Variants in RIMS3 observed in about 807,000 individuals in gnomAD.
The protein encoded by RIMS3 is regulating synaptic membrane exocytosis 3.
Under a neutral mutation model 29.2 loss-of-function variants are expected in RIMS3, and 15 were observed. The ratio of observed to expected loss-of-function variants is 0.51; its 90% CI spans 0.34 to 0.79. The LOEUF is 0.79. Among genes scored for constraint, RIMS3 ranks in the 30% least tolerant of loss-of-function variants. The pLI is 0.01. For synonymous variants in RIMS3, 161 were observed against 170.1 expected, an observed-to-expected ratio of 0.95 and a Z score of 0.41; for missense variants, 342 against 421.4, an observed-to-expected ratio of 0.81 and a Z score of 1.65.
rs374157039 is a variant in RIMS3, at chr1:40,626,408, T to C, written c.*109A>G. On this transcript the variant is annotated 3_prime_UTR_variant, in exon 8 of 8. Coordinates refer to ENST00000372684, the MANE Select transcript of RIMS3 (RefSeq NM_014747.3). ...GGATGAGCCCAGTAGCCAACAGGCA[T>C]GCAGCAGGACAAGGGGTCCAGAAAG... 77 of 1,030,720 alleles carry C rather than the reference T, an allele frequency of 7.5e-5. No individual in the cohort carries two copies. In the East Asian group the frequency reaches 1.4e-3, roughly 19 times the overall value. The allele number at this position is 1,030,720 out of a possible 1,614,324, so 63.8% of individuals were successfully genotyped here.
chr1:40,640,168 A>G (rs199564965), intron 3 of RIMS3, among the ~76,000 whole-genome samples: 1 of 151,870 alleles, frequency 6.6e-6, no homozygotes, highest in African/African-American at 2.4e-5. Context: ...GGGGTCCAAC[A>G]CCTCCACGAC....
At chr1:40,653,475 G>A (rs981890346) in intron 1 of RIMS3, among the ~76,000 whole-genome samples, 3 of 152,134 alleles carry the variant, frequency 2.0e-5, no homozygotes, top group Non-Finnish European at 2.9e-5. Context: ...AGGCTAGGGC[G>A]GCACCCTGAC....
At chr1:40,678,164 T>C in the RIMS3 span, among the ~76,000 whole-genome samples, 4 of 152,094 alleles carry the variant, frequency 2.6e-5, no homozygotes, top group Non-Finnish European at 5.9e-5. Context: ...TCCCAGCACT[T>C]TGGGAGGCCA....
upstream of RIMS3, among the ~76,000 whole-genome samples, chr1:40,667,390 G>T (rs75893220): frequency 3.2e-4 from 48 of 152,234 alleles, no homozygotes; most frequent in East Asian, 8.9e-3. Flanking sequence ...TGGAACGAGG[G>T]TGGAGGTGAG....
chr1:40,690,827 A>G, the RIMS3 span: 2 of 152,368 alleles, frequency 1.3e-5, no homozygotes, highest in South Asian at 2.1e-4. Context: ...TACCATCAGC[A>G]GAGGCAGTCA....
Position 40,635,749 on chromosome 1 carries a change from C to T in RIMS3, c.359+167G>A, listed in dbSNP as rs1646514937. 6.6e-6 allele frequency among the ~76,000 whole-genome samples: 1 copy of T among 152,168 alleles called. No homozygotes were observed. The highest frequency in any genetic ancestry group is 2.1e-4 in the South Asian group (1 of 4,826). On this transcript the variant is annotated intron_variant, in intron 4 of 7. Transcript: ENST00000372684. The surrounding 1 kb of genome is among the most constrained non-coding windows in gnomAD (Gnocchi z 4.1). The stretch of plus-strand genomic sequence containing the variant: ...ATGGGAGCAATGGAAGACCTGAGGT[C>T]CAGGCACAGAGTGTTGAGGGGAGGG...
chr1:40,647,721 C>T lies in RIMS3; in HGVS notation c.-85G>A, dbSNP rs1331000779. On this transcript the variant is annotated 5_prime_UTR_variant, in exon 2 of 8. Transcript: ENST00000372684. ...CGCATCACAGGGGGCTGCCTCCCAACAGCACACCCCTAGGGCATTTGCACA... is the reference window on the plus strand; with the variant it reads ...CGCATCACAGGGGGCTGCCTCCCAATAGCACACCCCTAGGGCATTTGCACA... 1 of 152,202 alleles carries T rather than the reference C, an allele frequency of 6.6e-6. No homozygotes were observed. The highest frequency in any genetic ancestry group is 2.4e-5 in the African/African-American group (1 of 41,430). The allele number at this position is 152,202 out of a possible 1,614,324, so 9.4% of individuals were successfully genotyped here.
At chr1:40,638,254 C>T (rs568684168) in intron 3 of RIMS3, among the ~76,000 whole-genome samples, 4 of 152,280 alleles carry the variant, frequency 2.6e-5, no homozygotes, top group African/African-American at 9.6e-5. Context: ...AATCCCCCAT[C>T]TAGCTGAGAG....
upstream of RIMS3, chr1:40,669,249 G>A (rs1268348959): frequency 6.6e-6 from 1 of 152,208 alleles, no homozygotes; most frequent in Non-Finnish European, 1.5e-5. Context: ...GCTCTTCGAG[G>A]TAGGTGCACT....
At chr1:40,656,404 A>G (rs546877171) in intron 1 of RIMS3, among the ~76,000 whole-genome samples, 1 of 152,372 alleles carries the variant, frequency 6.6e-6, no homozygotes, top group East Asian at 1.9e-4. Context: ...TGTTTTAGCT[A>G]TATGGAGTTG....
intron 1 of RIMS3, among the ~76,000 whole-genome samples, chr1:40,659,060 G>C (rs1200802310): frequency 1.3e-5 from 2 of 152,242 alleles, no homozygotes; most frequent in Non-Finnish European, 2.9e-5. Flanking sequence ...GGCAGAGGGA[G>C]GGTGGGCTAA....
At chr1:40,644,686 C>T (rs1382373640) in intron 2 of RIMS3, among the ~76,000 whole-genome samples, 1 of 152,152 alleles carries the variant, frequency 6.6e-6, no homozygotes, top group Non-Finnish European at 1.5e-5. Context: ...TGCAAAGTCC[C>T]AAGCTGAAGT....
At chr1:40,660,381 T>C (rs1202277145) in intron 1 of RIMS3, among the ~76,000 whole-genome samples, 6 of 148,390 alleles carry the variant, frequency 4.0e-5, no homozygotes, top group Non-Finnish European at 9.0e-5. Flanking sequence ...GGGGCTTCTT[T>C]TTTTTTTTTT....
the RIMS3 span, among the ~76,000 whole-genome samples, chr1:40,682,434 C>T: frequency 2.0e-5 from 3 of 152,054 alleles, no homozygotes; most frequent in Admixed American, 2.0e-4. Flanking sequence ...CCACCTTTGG[C>T]TTCACACCCC....
At position 40,626,631 on chromosome 1, in the gene RIMS3, G is replaced by A. The variant is rs779286156; in HGVS notation, c.813C>T (p.Thr271=). 32 of 1,614,076 alleles carry A rather than the reference G, an allele frequency of 2.0e-5. No homozygotes were observed. The highest frequency in any genetic ancestry group is 5.0e-5 in the Admixed American group (3 of 60,012). The change falls in exon 8 of 8, where the codon ACC becomes ACT. Residue 271 remains threonine (T), a synonymous_variant. Coordinates refer to ENST00000372684, the MANE Select transcript of RIMS3 (RefSeq NM_014747.3). ...LDELDLSAAV[T]GWYKLFPTSS... Reference sequence around the variant, plus strand: ...AGGTGGGGAAGAGTTTGTACCAGCCGGTGACCGCGGCGCTGAGGTCCAGCT... The same window carrying A: ...AGGTGGGGAAGAGTTTGTACCAGCCAGTGACCGCGGCGCTGAGGTCCAGCT...
Position 40,647,862 on chromosome 1 carries a change from C to G in RIMS3, c.-206-20G>C, listed in dbSNP as rs1646605724. The G allele has an allele frequency of 6.6e-6, 1 of 152,204 alleles. No homozygotes were observed. The highest frequency in any genetic ancestry group is 1.5e-5 in the Non-Finnish European group (1 of 68,050). 9.4% of individuals were successfully genotyped at this position (152,204 alleles called of 1,614,324 possible). A position where few individuals can be genotyped will look rare whatever the true frequency, so the allele number is the denominator to read the frequency against. On this transcript the variant is annotated intron_variant, in intron 1 of 7. Coordinates refer to ENST00000372684, the MANE Select transcript of RIMS3 (RefSeq NM_014747.3). ...AAGGGTCTGGAAGGGAAGAGAGGAGCTTAGAGGAAGGGCTAGGTAAAGCAT... is the reference window on the plus strand; with the variant it reads ...AAGGGTCTGGAAGGGAAGAGAGGAGGTTAGAGGAAGGGCTAGGTAAAGCAT...
chr1:40,635,849 G>C lies in RIMS3; in HGVS notation c.359+67C>G. Reference sequence around the variant, plus strand: ...CAAAACAGGGAGGCTTTCCCACCCTGCCCAGTGGCTCTGTGACTGGAGGAC... The same window carrying C: ...CAAAACAGGGAGGCTTTCCCACCCTCCCCAGTGGCTCTGTGACTGGAGGAC... On this transcript the variant is annotated intron_variant, in intron 4 of 7. Coordinates refer to ENST00000372684, the MANE Select transcript of RIMS3 (RefSeq NM_014747.3). The surrounding 1 kb of genome is among the most constrained non-coding windows in gnomAD (Gnocchi z 4.1). 1 of 1,585,490 alleles carries C rather than the reference G, an allele frequency of 6.3e-7. No homozygotes were observed. Among genetic ancestry groups the C allele is most frequent in the South Asian group, 1.1e-5 (1 of 89,972 alleles).
rs750321712 is a variant in RIMS3, at chr1:40,621,551, T to C, written c.*4966A>G. 7.2e-5 allele frequency: 11 copies of C among 152,156 alleles called. No individual in the cohort carries two copies. The highest frequency in any genetic ancestry group is 1.3e-4 in the Non-Finnish European group (9 of 68,044). 9.4% of individuals were successfully genotyped at this position (152,156 alleles called of 1,614,324 possible). ...AGGTGCACCAGGCTCGCAACCCTCA[T>C]GTGCTCCAGATCAGAGACTTTTAAT... On this transcript the variant is annotated 3_prime_UTR_variant, in exon 8 of 8. Coordinates refer to ENST00000372684, the MANE Select transcript of RIMS3 (RefSeq NM_014747.3).
chr1:40,641,265 C>T (rs1646554126), intron 3 of RIMS3, among the ~76,000 whole-genome samples: 1 of 152,174 alleles, frequency 6.6e-6, no homozygotes, highest in African/African-American at 2.4e-5. Context: ...GAACCCTGCA[C>T]CCAGCACTTG....
Sources: gnomAD v4.1 joint callset for allele counts (sites outside exome capture counted in the v4.1 genomes callset) on GRCh38, gnomAD v4.1.1 for gene constraint, Gnocchi (gnomAD v3.1) non-coding constraint, MANE v1.5 for transcripts, NCBI Gene and HGNC (gene_info 2026-07-23, HGNC 2026-07-21) for gene names.